Variants in CPPED1 observed in about 807,000 individuals in gnomAD.
The protein encoded by CPPED1 is calcineurin like phosphoesterase domain containing 1.
CPPED1 carries 28 observed loss-of-function variants against 28.0 expected under a neutral mutation model. The observed-to-expected ratio is 1.00, with a 90% CI of 0.74 to 1.37. CPPED1 has a LOEUF of 1.37. CPPED1 is among the 40% of genes most tolerant of loss of function. The pLI is 0.00. For synonymous variants in CPPED1, 198 were observed against 180.2 expected (o/e 1.10, Z -0.79); for missense variants, 504 against 416.5 (o/e 1.21, Z -1.83).
rs115104010 is a variant in CPPED1, at chr16:12,769,472, G to C, written c.289+11713C>G. Among the ~76,000 whole-genome samples, 438 of 152,164 alleles carry C rather than the reference G, an allele frequency of 2.9e-3. 5 individuals are homozygous for C. Among genetic ancestry groups the C allele is most frequent in the African/African-American group, 0.01 (418 of 41,526 alleles). ...CAGCAGCCAGTGTGTCTCCTCTGCC[G>C]GACTGCCACGTAGAAAATGCTGGCA... On this transcript the variant is annotated intron_variant, in intron 2 of 3. Coordinates refer to ENST00000381774, the MANE Select transcript of CPPED1 (RefSeq NM_018340.3).
At chr16:12,695,552 T>G (rs1172907387) in intron 3 of CPPED1, among the ~76,000 whole-genome samples, 1 of 152,228 alleles carries the variant, frequency 6.6e-6, no homozygotes, top group Non-Finnish European at 1.5e-5. Context: ...ATTACAGGTG[T>G]GAGCCACCAT....
chr16:12,783,990 T>C (rs1157796986), intron 1 of CPPED1, among the ~76,000 whole-genome samples: 1 of 147,194 alleles, frequency 6.8e-6, no homozygotes, highest in Non-Finnish European at 1.5e-5. Flanking sequence ...GCCCCCCAAA[T>C]CCCTGCCTCC....
intron 2 of CPPED1, among the ~76,000 whole-genome samples, chr16:12,735,508 T>A (rs1759584930): frequency 6.6e-6 from 1 of 152,238 alleles, no homozygotes; most frequent in African/African-American, 2.4e-5. Context: ...TTTCACCATG[T>A]TGGCCAGGCT....
At chr16:12,673,979 T>G (rs1465833053) in intron 3 of CPPED1, among the ~76,000 whole-genome samples, 1 of 151,740 alleles carries the variant, frequency 6.6e-6, no homozygotes, top group Admixed American at 6.6e-5. Flanking sequence ...AGCTCAGGAG[T>G]TGGAGGTTGC....
At chr16:12,733,006 C>T (rs2080207300) in intron 2 of CPPED1, among the ~76,000 whole-genome samples, 2 of 152,054 alleles carry the variant, frequency 1.3e-5, no homozygotes, top group African/African-American at 2.4e-5. Context: ...GGAAATAGCT[C>T]CAGGAGAAAT....
At chr16:12,717,320 G>C (rs778584822) in intron 2 of CPPED1, among the ~76,000 whole-genome samples, 2 of 152,320 alleles carry the variant, frequency 1.3e-5, no homozygotes, top group Middle Eastern at 3.4e-3. Context: ...CTGGAGTGCA[G>C]CGGCGCCATC....
At chr16:12,775,915 C>T (rs2080494946) in intron 2 of CPPED1, among the ~76,000 whole-genome samples, 2 of 152,204 alleles carry the variant, frequency 1.3e-5, no homozygotes, top group African/African-American at 2.4e-5. Context: ...AGATAACAGA[C>T]CCTGAATTCC....
chr16:12,758,810 T>G (rs2080389315), intron 2 of CPPED1, among the ~76,000 whole-genome samples: 1 of 151,990 alleles, frequency 6.6e-6, no homozygotes, highest in South Asian at 2.1e-4. Context: ...GAACTGCAGC[T>G]GAATCTAGTA....
At chr16:12,753,225 C>T (rs534957676) in intron 2 of CPPED1, 1 of 152,302 alleles carries the variant, frequency 6.6e-6, no homozygotes, top group East Asian at 1.9e-4. Context: ...TCCTAGCCCC[C>T]AGTGATGCTG....
chr16:12,664,528 T>C lies in CPPED1; in HGVS notation c.*358A>G, dbSNP rs993157797. 4 of 1,072,790 alleles carry C rather than the reference T, an allele frequency of 3.7e-6. No homozygotes were observed. In the South Asian group the frequency reaches 8.2e-5, roughly 22 times the overall value. The allele number at this position is 1,072,790 out of a possible 1,614,324, so 66.5% of individuals were successfully genotyped here. On this transcript the variant is annotated 3_prime_UTR_variant, in exon 4 of 4. Transcript: ENST00000381774. This position sits in a 1 kb window ranked among gnomAD's most constrained non-coding sequence, Gnocchi z 4.2. ...TCAAAGATCATACTTGGCTGTCAGA[T>C]TGGAATTGAGGTCGATAGGCAGACT...
intron 3 of CPPED1, among the ~76,000 whole-genome samples, chr16:12,697,794 T>C (rs1160796691): frequency 6.6e-6 from 1 of 152,164 alleles, no homozygotes; most frequent in Non-Finnish European, 1.5e-5. Flanking sequence ...TTGACCCCTC[T>C]AGGCGAAGCA....
intron 2 of CPPED1, among the ~76,000 whole-genome samples, chr16:12,734,338 G>A (rs2080215675): frequency 6.6e-6 from 1 of 151,468 alleles, no homozygotes; most frequent in African/African-American, 2.4e-5. Context: ...CTGAAGTGCT[G>A]GAATTACAGG....
chr16:12,772,689 C>T (rs543463215), intron 2 of CPPED1, among the ~76,000 whole-genome samples: 1 of 152,142 alleles, frequency 6.6e-6, no homozygotes, highest in African/African-American at 2.4e-5. Context: ...AAAGTTAACT[C>T]GGGGAATGAC....
At chr16:12,690,372 G>A (rs1354746898) in intron 3 of CPPED1, among the ~76,000 whole-genome samples, 2 of 151,916 alleles carry the variant, frequency 1.3e-5, no homozygotes, top group African/African-American at 4.8e-5. Context: ...AAATTAGCCA[G>A]GCGTGGTGGG....
chr16:12,795,099 C>A (rs997962759), intron 1 of CPPED1, among the ~76,000 whole-genome samples: 3 of 152,244 alleles, frequency 2.0e-5, no homozygotes, highest in Non-Finnish European at 4.4e-5. Context: ...ATTTCCCTAA[C>A]AAGACAGCAG....
intron 3 of CPPED1, among the ~76,000 whole-genome samples, chr16:12,701,991 T>C (rs984358112): frequency 1.1e-4 from 17 of 152,194 alleles, no homozygotes; most frequent in Admixed American, 9.8e-4. Flanking sequence ...CATGTAGCTC[T>C]GCCTACGGGA....
chr16:12,738,408 C>A (rs1283489580), intron 2 of CPPED1, among the ~76,000 whole-genome samples: 1 of 151,814 alleles, frequency 6.6e-6, no homozygotes, highest in African/African-American at 2.4e-5. Flanking sequence ...GATTGCATAT[C>A]TATTACTTTT....
chr16:12,702,197 TGG>T (rs2080024209), intron 3 of CPPED1, among the ~76,000 whole-genome samples: 2 of 151,996 alleles, frequency 1.3e-5, no homozygotes, highest in Non-Finnish European at 2.9e-5. Flanking sequence ...TGGGGCATCA[TGG>T]ATATGATGCC....
chr16:12,767,934 G>A (rs1181621309), intron 2 of CPPED1, among the ~76,000 whole-genome samples: 1 of 152,080 alleles, frequency 6.6e-6, no homozygotes, highest in Non-Finnish European at 1.5e-5. Context: ...CAGCCTGAGC[G>A]ACAAATTGGG....
Sources: allele counts gnomAD v4.1 joint callset (sites outside exome capture counted in the v4.1 genomes callset), GRCh38; gene constraint gnomAD v4.1.1; non-coding constraint Gnocchi (gnomAD v3.1); transcripts MANE v1.5; gene names NCBI Gene and HGNC (gene_info 2026-07-23, HGNC 2026-07-21).